Variants in NLGN1 observed in about 807,000 individuals in gnomAD.
NLGN1 encodes neuroligin 1.
NLGN1 carries 12 observed loss-of-function variants against 65.5 expected under a neutral mutation model. The observed-to-expected ratio is 0.18, with a 90% CI of 0.12 to 0.30. The LOEUF (loss-of-function observed/expected upper bound fraction) is 0.30, where lower values mean the gene tolerates loss of function less well. Ranked by LOEUF, NLGN1 falls within the 10% of genes least tolerant of loss-of-function variation. The pLI is 1.00. For missense variants in NLGN1, 750 were observed against 1,007.1 expected (o/e 0.74, Z 3.46); for synonymous variants, 350 against 359.5 (o/e 0.97, Z 0.30).
chr3:173,850,150 C>G (rs1726610640), intron 4 of NLGN1, among the ~76,000 whole-genome samples: 1 of 152,112 alleles, frequency 6.6e-6, no homozygotes, highest in Non-Finnish European at 1.5e-5. Context: ...TCCTTCCAAG[C>G]ATCAATTCTT....
intron 4 of NLGN1, among the ~76,000 whole-genome samples, chr3:174,192,987 T>A (rs1223476697): frequency 6.6e-6 from 1 of 152,062 alleles, no homozygotes; most frequent in East Asian, 1.9e-4. Context: ...CAAGCAGAAG[T>A]AGTTCTCTTC....
intron 4 of NLGN1, among the ~76,000 whole-genome samples, chr3:173,995,778 C>T (rs534861929): frequency 6.6e-6 from 1 of 151,434 alleles, no homozygotes; most frequent in South Asian, 2.1e-4. Flanking sequence ...TCTTGAACTC[C>T]TGGGCTCAAG....
intron 3 of NLGN1, among the ~76,000 whole-genome samples, chr3:173,610,132 G>GTAGT (rs1752062076): frequency 1.3e-5 from 2 of 151,874 alleles, no homozygotes; most frequent in Admixed American, 1.3e-4. Flanking sequence ...TCAAACCAGG[G>GTAGT]TAGTAACCAC....
chr3:174,280,738 T>G lies in NLGN1; in HGVS notation c.1907T>G (p.Phe636Cys). The change falls in exon 7 of 7, where the codon TTC becomes TGC. Residue 636 changes from phenylalanine (F) to cysteine (C), a missense_variant. Physicochemically the swap from Phe to Cys is radical, Grantham distance 205. Transcript: ENST00000457714. The surrounding 1 kb of genome is among the most constrained non-coding windows in gnomAD (Gnocchi z 4.9). ...AAAGTGCCATCAACTGACATCACTT[T>G]CAGACCTACGAGAAAAAATTCTGTA... 6.2e-7 allele frequency: 1 copy of G among 1,613,374 alleles called. No individual in the cohort carries two copies. The highest frequency in any genetic ancestry group is 8.5e-7 in the Non-Finnish European group (1 of 1,179,570).
intron 3 of NLGN1, among the ~76,000 whole-genome samples, chr3:173,703,583 T>C (rs1178800666): frequency 6.6e-6 from 1 of 152,198 alleles, no homozygotes; most frequent in Non-Finnish European, 1.5e-5. Flanking sequence ...TTAAAATTGC[T>C]TCCAAAAATA....
intron 3 of NLGN1, among the ~76,000 whole-genome samples, chr3:173,772,001 A>G (rs182908078): frequency 4.6e-5 from 7 of 152,200 alleles, no homozygotes; most frequent in South Asian, 4.1e-4. Context: ...TTAAAATTAT[A>G]TAATTCTCTT....
chr3:173,981,248 A>G (rs2152393481), intron 4 of NLGN1, among the ~76,000 whole-genome samples: 1 of 152,236 alleles, frequency 6.6e-6, no homozygotes, highest in Admixed American at 6.5e-5. Flanking sequence ...ATATTCAGCT[A>G]TTTGTTGATT....
At position 173,500,696 on chromosome 3, in the gene NLGN1, T is replaced by C. The variant is rs147241378; in HGVS notation, c.-321+65618T>C. 9.0e-3 allele frequency among the ~76,000 whole-genome samples: 1,370 copies of C among 152,088 alleles called. 23 individuals are homozygous for C. The highest frequency in any genetic ancestry group is 0.032 in the African/African-American group (1,320 of 41,544). On this transcript the variant is annotated intron_variant, in intron 2 of 6. Transcript: ENST00000457714. ...TCATCTGGTCCTGGACATTTTTTGGTTGGTAAGCTTTTAATTATTGCATCA... is the reference window on the plus strand; with the variant it reads ...TCATCTGGTCCTGGACATTTTTTGGCTGGTAAGCTTTTAATTATTGCATCA...
chr3:173,819,064 A>C (rs1719639184), intron 4 of NLGN1, among the ~76,000 whole-genome samples: 1 of 151,914 alleles, frequency 6.6e-6, no homozygotes, highest in South Asian at 2.1e-4. Context: ...ATCCTTTAGA[A>C]AGGGATTTCT....
intron 1 of NLGN1, among the ~76,000 whole-genome samples, chr3:173,415,904 T>TATATATATATATATAGAG (rs1380777305): frequency 8.0e-6 from 1 of 125,440 alleles, no homozygotes; most frequent in African/African-American, 3.3e-5. Flanking sequence ...TATATATATA[T>TATATATATATATATAGAG]AGAGAGAGAG....
At chr3:173,442,025 C>T (rs1719294526) in intron 2 of NLGN1, among the ~76,000 whole-genome samples, 1 of 151,890 alleles carries the variant, frequency 6.6e-6, no homozygotes, top group Non-Finnish European at 1.5e-5. Context: ...TGTATTAGCC[C>T]CTTTAACTTC....
At chr3:173,852,978 T>G (rs1449599338) in intron 4 of NLGN1, among the ~76,000 whole-genome samples, 1 of 152,196 alleles carries the variant, frequency 6.6e-6, no homozygotes, top group African/African-American at 2.4e-5. Flanking sequence ...AGCCTTCAAA[T>G]CCACCTATGT....
intron 4 of NLGN1, among the ~76,000 whole-genome samples, chr3:173,919,264 A>G (rs1741446040): frequency 6.6e-6 from 1 of 152,234 alleles, no homozygotes; most frequent in Admixed American, 6.5e-5. Flanking sequence ...TACAGAGAAT[A>G]TGAAGGAAAA....
intron 2 of NLGN1, among the ~76,000 whole-genome samples, chr3:173,468,224 TG>T (rs544265159): frequency 2.0e-5 from 3 of 152,240 alleles, no homozygotes; most frequent in African/African-American, 7.2e-5. Flanking sequence ...AATAAATAAC[TG>T]GATTAGTGTA....
intron 4 of NLGN1, among the ~76,000 whole-genome samples, chr3:174,002,051 ATT>A (rs1202952478): frequency 6.9e-6 from 1 of 145,236 alleles, no homozygotes; most frequent in African/African-American, 2.6e-5. Flanking sequence ...ACCTAGACAG[ATT>A]TAAAAAAAAA....
chr3:173,408,545 G>C (rs1012609951), intron 1 of NLGN1, among the ~76,000 whole-genome samples: 1 of 152,198 alleles, frequency 6.6e-6, no homozygotes, highest in African/African-American at 2.4e-5. Flanking sequence ...GGAGATTAGG[G>C]AGGGAATCTT....
intron 4 of NLGN1, among the ~76,000 whole-genome samples, chr3:174,047,487 A>G (rs765954371): frequency 6.6e-6 from 1 of 152,080 alleles, no homozygotes; most frequent in Non-Finnish European, 1.5e-5. Context: ...CCATATGCAC[A>G]TACTATTGTA....
chr3:173,506,605 T>C (rs1303892075), intron 2 of NLGN1, among the ~76,000 whole-genome samples: 1 of 152,136 alleles, frequency 6.6e-6, no homozygotes, highest in African/African-American at 2.4e-5. Flanking sequence ...CTATTAAACC[T>C]GCTACTATGT....
intron 2 of NLGN1, among the ~76,000 whole-genome samples, chr3:173,497,719 A>G (rs1270120648): frequency 6.6e-6 from 1 of 151,752 alleles, no homozygotes; most frequent in African/African-American, 2.4e-5. Flanking sequence ...ATTCTATTAA[A>G]ATTCAGTCAT....
Sources: gnomAD v4.1 joint callset for allele counts (sites outside exome capture counted in the v4.1 genomes callset) on GRCh38, gnomAD v4.1.1 for gene constraint, Gnocchi (gnomAD v3.1) non-coding constraint, MANE v1.5 for transcripts, NCBI Gene and HGNC (gene_info 2026-07-23, HGNC 2026-07-21) for gene names.